The following FREM1 variants were observed in gnomAD, a reference collection of about 807,000 sequenced individuals.
The protein encoded by FREM1 is FRAS1-related extracellular matrix protein 1.
In FREM1, 220 loss-of-function variants were observed where a neutral mutation model predicts 210.1. That is an observed-to-expected ratio of 1.05 (90% CI 0.94 to 1.17). FREM1 has a LOEUF of 1.17. FREM1 is among the 50% of genes most tolerant of loss of function. The pLI is 0.00. For missense variants in FREM1, 3,454 were observed against 2,675.5 expected (o/e 1.29, Z -6.42); for synonymous variants, 1,189 against 980.2 (o/e 1.21, Z -3.98).
At chr9:14,858,335 T>C (rs958074630) in intron 4 of FREM1, among the ~76,000 whole-genome samples, 2 of 152,176 alleles carry the variant, frequency 1.3e-5, no homozygotes, top group Admixed American at 6.5e-5. Context: ...TCCACTCTTG[T>C]TTAGTATATA....
rs749054287 is a variant in FREM1 at position 14,818,761 on chromosome 9, T to C, written c.2546+473A>G. On this transcript the variant is annotated intron_variant, in intron 14 of 36. Coordinates refer to ENST00000380880, the MANE Select transcript of FREM1 (RefSeq NM_001379081.2). ...CTGCCTACTCAGCTCACCCTGCTTG[T>C]TTGCCTGCAGATCCCTGCCCTAGTA... 4.3e-4 allele frequency among the ~76,000 whole-genome samples: 66 copies of C among 152,302 alleles called. 1 individual carries two copies. Among genetic ancestry groups the C allele is most frequent in the Admixed American group, 1.9e-3 (29 of 15,296 alleles).
intron 1 of FREM1, among the ~76,000 whole-genome samples, chr9:14,883,405 A>T (rs1835175768): frequency 6.6e-6 from 1 of 152,198 alleles, no homozygotes; most frequent in African/African-American, 2.4e-5. Flanking sequence ...TTTTATTTGC[A>T]TTCTAATTTT....
chr9:14,839,477 G>C (rs1283970203), intron 10 of FREM1, among the ~76,000 whole-genome samples: 1 of 152,196 alleles, frequency 6.6e-6, no homozygotes, highest in Non-Finnish European at 1.5e-5. Context: ...CAAATTTGTA[G>C]ATCTCCCTCT....
At chr9:14,907,937 C>T (rs1588699158) in intron 1 of FREM1, among the ~76,000 whole-genome samples, 1 of 152,066 alleles carries the variant, frequency 6.6e-6, no homozygotes, top group South Asian at 2.1e-4. Context: ...TGGTTAGCAA[C>T]AACTAAGATT....
intron 1 of FREM1, among the ~76,000 whole-genome samples, chr9:14,889,796 CA>C: frequency 6.6e-6 from 1 of 152,112 alleles, no homozygotes; most frequent in African/African-American, 2.4e-5. Flanking sequence ...GACAAATTAA[CA>C]AAGGGAAAAC....
chr9:14,817,505 T>G (rs1820516402), intron 14 of FREM1, among the ~76,000 whole-genome samples: 1 of 152,184 alleles, frequency 6.6e-6, no homozygotes, highest in Non-Finnish European at 1.5e-5. Flanking sequence ...CAGCCACATT[T>G]CTTGAAGGCA....
intron 16 of FREM1, 67 bp from the exon 17 acceptor site, chr9:14,808,201 T>A: frequency 1.0e-6 from 1 of 980,978 alleles, no homozygotes; most frequent in South Asian, 2.2e-5. Context: ...TGAAATCTAC[T>A]CACACCTCTT....
chr9:14,890,034 G>A (rs1836515178), intron 1 of FREM1, among the ~76,000 whole-genome samples: 1 of 152,200 alleles, frequency 6.6e-6, no homozygotes, highest in Admixed American at 6.5e-5. Context: ...TCCATTCTTG[G>A]AGCTAAGGAT....
Position 14,819,364 on chromosome 9 carries a change from C to T in FREM1, c.2416G>A (p.Asp806Asn). 4 of 1,613,630 alleles carry T rather than the reference C, an allele frequency of 2.5e-6. No homozygotes were observed. The highest frequency in any genetic ancestry group is 3.4e-6 in the Non-Finnish European group (4 of 1,179,590). Residue 806 changes from aspartate to asparagine, a missense_variant, in exon 14 of 37, where the codon GAT becomes AAT. Physicochemically the swap from Asp to Asn is conservative, Grantham distance 23. Coordinates refer to ENST00000380880, the MANE Select transcript of FREM1 (RefSeq NM_001379081.2). ...STEHILISDA[D>N]TKLDNIDLSL... is the part of the protein sequence containing the mutation. ...AGGTCAATATTGTCCAGCTTGGTAT[C>T]TGCATCAGAAATTAGAATGTGCTCT...
intron 1 of FREM1, among the ~76,000 whole-genome samples, chr9:14,888,599 C>G (rs1836227039): frequency 6.6e-6 from 1 of 152,148 alleles, no homozygotes; most frequent in African/African-American, 2.4e-5. Flanking sequence ...ACTACAAGCC[C>G]AGGTTAAAGG....
intron 1 of FREM1, among the ~76,000 whole-genome samples, chr9:14,875,081 C>G (rs2131999400): frequency 6.6e-6 from 1 of 152,290 alleles, no homozygotes; most frequent in East Asian, 1.9e-4. Flanking sequence ...CCCGACCTTT[C>G]TCTCTGGCTG....
rs1829464840 is a variant in FREM1 at position 14,859,783 on chromosome 9, T to C, written c.330-299A>G. 2.6e-5 allele frequency among the ~76,000 whole-genome samples: 4 copies of C among 152,314 alleles called. No homozygotes were observed. The South Asian group carries it at 8.3e-4, about 32-fold the overall frequency. On this transcript the variant is annotated intron_variant, in intron 3 of 36. Transcript: ENST00000380880. ...TGCTGAGATCTCAGAGTCTCACTTC[T>C]AGCACATGTGTAATTTAAGAGTCTC...
chr9:14,864,858 A>G (rs1831226993), intron 2 of FREM1, among the ~76,000 whole-genome samples: 1 of 152,222 alleles, frequency 6.6e-6, no homozygotes, highest in Admixed American at 6.5e-5. Context: ...TTTCCCGCAG[A>G]TATCATTGAT....
chr9:14,845,545 T>C (rs1357371565), intron 8 of FREM1, among the ~76,000 whole-genome samples: 3 of 152,226 alleles, frequency 2.0e-5, no homozygotes, highest in Non-Finnish European at 2.9e-5. Flanking sequence ...CCTCAGGTGA[T>C]CCACCCACCT....
At chr9:14,761,052 A>G (rs925926652) in intron 27 of FREM1, among the ~76,000 whole-genome samples, 1 of 152,100 alleles carries the variant, frequency 6.6e-6, no homozygotes, top group Non-Finnish European at 1.5e-5. Flanking sequence ...TTTACTTTTA[A>G]GTTTATTTAT....
intron 1 of FREM1, among the ~76,000 whole-genome samples, chr9:14,899,025 G>A (rs930192480): frequency 4.6e-5 from 7 of 152,172 alleles, no homozygotes; most frequent in Non-Finnish European, 7.3e-5. Context: ...TCATGGTTCA[G>A]GCTGAATTGA....
chr9:14,805,567 A>G (rs1053399675), intron 18 of FREM1, among the ~76,000 whole-genome samples: 1 of 152,230 alleles, frequency 6.6e-6, no homozygotes, highest in Non-Finnish European at 1.5e-5. Flanking sequence ...TCATCTGCCT[A>G]CTTGAAGAGG....
intron 1 of FREM1, among the ~76,000 whole-genome samples, chr9:14,889,384 G>C (rs919073033): frequency 6.6e-6 from 1 of 152,188 alleles, no homozygotes; most frequent in African/African-American, 2.4e-5. Context: ...TGTTTATGTG[G>C]AAGGTTTAGT....
At chr9:14,803,555 G>C (rs1299321170) in intron 19 of FREM1, among the ~76,000 whole-genome samples, 2 of 152,044 alleles carry the variant, frequency 1.3e-5, no homozygotes, top group Non-Finnish European at 2.9e-5. Context: ...TATTTGTAGA[G>C]ATGGGGTTTT....
Sources: allele counts gnomAD v4.1 joint callset (sites outside exome capture counted in the v4.1 genomes callset), GRCh38; gene constraint gnomAD v4.1.1; transcripts MANE v1.5; gene names NCBI Gene and HGNC (gene_info 2026-07-23, HGNC 2026-07-21).